DMP1: variants seen among roughly 807,000 people sequenced by gnomAD.
The protein encoded by DMP1 is dentin matrix protein 1.
DMP1 carries 20 observed loss-of-function variants against 14.6 expected under a neutral mutation model. The ratio of observed to expected loss-of-function variants is 1.37; its 90% CI spans 0.96 to 1.99. The LOEUF (loss-of-function observed/expected upper bound fraction) is 1.99, where lower values mean the gene tolerates loss of function less well. DMP1 is among the 30% of genes most tolerant of loss of function. DMP1 has a pLI of 0.00. For missense variants in DMP1, 567 were observed against 620.5 expected (o/e 0.91, Z 0.92); for synonymous variants, 197 against 215.3 (o/e 0.91, Z 0.75).
At chr4:87,659,570 T>C in intron 5 of DMP1, 92 bp downstream of exon 5, 1 of 1,217,210 alleles carries the variant, frequency 8.2e-7, no homozygotes, top group Non-Finnish European at 1.2e-6. Flanking sequence ...GTTCTAAATA[T>C]AATATTTTCT....
intron 5 of DMP1, among the ~76,000 whole-genome samples, chr4:87,661,456 T>C (rs1267142539): frequency 6.6e-6 from 1 of 151,740 alleles, no homozygotes; most frequent in African/African-American, 2.4e-5. Flanking sequence ...TCTCCTGACC[T>C]CGTGATCCGC....
chr4:87,659,219 G>A lies in DMP1; in HGVS notation c.103-1G>A, dbSNP rs778707612. The A allele has an allele frequency of 5.6e-6, 9 of 1,613,742 alleles. No homozygotes were observed. Among genetic ancestry groups the A allele is most frequent in the Non-Finnish European group, 6.8e-6 (8 of 1,179,870 alleles). On this transcript the variant is annotated splice_acceptor_variant, in intron 3 of 5. Coordinates refer to ENST00000339673, the MANE Select transcript of DMP1 (RefSeq NM_004407.4). LOFTEE classifies it high-confidence loss of function. The stretch of plus-strand genomic sequence containing the variant: ...GTTTTCCTTCCTTTCCTTTTTTGCA[G>A]GGTCATTTGGCTCAGGCACCAACAC...
intron 5 of DMP1, 43 bp from the exon 6 acceptor site, chr4:87,661,919 G>C: frequency 6.2e-7 from 1 of 1,614,002 alleles, no homozygotes; most frequent in Non-Finnish European, 8.5e-7. Flanking sequence ...CTTCTCTATC[G>C]GTTCCTGGAA....
intron 5 of DMP1, among the ~76,000 whole-genome samples, chr4:87,661,676 A>G (rs932317579): frequency 6.1e-5 from 9 of 147,150 alleles, no homozygotes; most frequent in Non-Finnish European, 1.2e-4. Context: ...GGAATTATAT[A>G]TACAGTATGA....
intron 3 of DMP1, among the ~76,000 whole-genome samples, chr4:87,657,700 T>A (rs1728739194): frequency 6.6e-6 from 1 of 152,236 alleles, no homozygotes; most frequent in Non-Finnish European, 1.5e-5. Context: ...ACTTTGATAT[T>A]ACGTCACTCT....
chr4:87,658,827 C>A lies in DMP1; in HGVS notation c.103-393C>A, dbSNP rs751675115. On this transcript the variant is annotated intron_variant, in intron 3 of 5. Transcript: ENST00000339673. ...AACACATGACTTTCAGTGCTAACAC[C>A]AAGATGATTGGTTTTCAGGGCTAAA... is the stretch of plus-strand genomic sequence containing the variant. 1.2e-4 allele frequency: 29 copies of A among 238,632 alleles called. 1 individual carries two copies. Among genetic ancestry groups the A allele is most frequent in the Non-Finnish European group, 2.1e-4 (26 of 121,756 alleles). The allele number at this position is 238,632 out of a possible 1,614,324, so 14.8% of individuals were successfully genotyped here.
chr4:87,658,662 C>G (rs1728768553), intron 3 of DMP1: 1 of 157,678 alleles, frequency 6.3e-6, no homozygotes, highest in African/African-American at 2.4e-5. Flanking sequence ...TCATAACTAC[C>G]TTGTGGGGTA....
At position 87,659,189 on chromosome 4, in the gene DMP1, A is replaced by G. The variant is rs1300149351; in HGVS notation, c.103-31A>G. ...TAATGAAATCCATCTGTGAGGGAGT[A>G]ATTTGTTTTCCTTCCTTTCCTTTTT... On this transcript the variant is annotated intron_variant, in intron 3 of 5. Coordinates refer to ENST00000339673, the MANE Select transcript of DMP1 (RefSeq NM_004407.4). 3.1e-6 allele frequency: 5 copies of G among 1,610,840 alleles called. No individual in the cohort carries two copies. In the African/African-American group the frequency reaches 4.0e-5, roughly 13 times the overall value.
At chr4:87,660,141 C>T (rs1024577231) in intron 5 of DMP1, among the ~76,000 whole-genome samples, 1 of 152,080 alleles carries the variant, frequency 6.6e-6, no homozygotes, top group Non-Finnish European at 1.5e-5. Context: ...CCAGGTTTCT[C>T]CCTAAGGCTT....
chr4:87,654,642 G>C (rs992225127), intron 1 of DMP1, among the ~76,000 whole-genome samples: 1 of 152,178 alleles, frequency 6.6e-6, no homozygotes, highest in Admixed American at 6.5e-5. Flanking sequence ...AGGAAGGACA[G>C]ATAAAAGAGG....
At chr4:87,655,692 A>G (rs796100942) in intron 1 of DMP1, among the ~76,000 whole-genome samples, 6 of 151,840 alleles carry the variant, frequency 4.0e-5, no homozygotes, top group African/African-American at 1.4e-4. Flanking sequence ...GTGTATGTGT[A>G]TGTGTGTGTT....
chr4:87,659,219 G>GT lies in DMP1; in HGVS notation c.103-1_103insT (p.Gly35TrpfsTer15). The GT allele has an allele frequency of 1.2e-6, 2 of 1,613,744 alleles. No homozygotes were observed. Among genetic ancestry groups the GT allele is most frequent in the Non-Finnish European group, 1.7e-6 (2 of 1,179,872 alleles). On this transcript the variant is annotated frameshift_variant and splice_region_variant. Coordinates refer to ENST00000339673, the MANE Select transcript of DMP1 (RefSeq NM_004407.4). LOFTEE classifies it high-confidence loss of function. ...GTTTTCCTTCCTTTCCTTTTTTGCA[G>GT]GGTCATTTGGCTCAGGCACCAACAC...
intron 5 of DMP1, among the ~76,000 whole-genome samples, 189 bp downstream of exon 5, chr4:87,659,667 T>C (rs1322506067): frequency 1.3e-5 from 2 of 152,220 alleles, no homozygotes; most frequent in African/African-American, 2.4e-5. Context: ...ATGCTATTCA[T>C]CTTATTTTCA....
At chr4:87,652,438 T>C (rs1018612124) in intron 1 of DMP1, among the ~76,000 whole-genome samples, 1 of 152,182 alleles carries the variant, frequency 6.6e-6, no homozygotes, top group African/African-American at 2.4e-5. Flanking sequence ...CTGATTTTCT[T>C]TAATGCTTAC....
intron 1 of DMP1, among the ~76,000 whole-genome samples, chr4:87,653,388 T>TAG (rs1728575821): frequency 8.6e-5 from 1 of 11,682 alleles, no homozygotes; most frequent in Non-Finnish European, 1.6e-4. Context: ...TATCGAGTGA[T>TAG]ATATATATAT....
chr4:87,656,924 T>C (rs1418826908), intron 2 of DMP1, 108 bp from the exon 3 acceptor site: 2 of 763,498 alleles, frequency 2.6e-6, no homozygotes, highest in East Asian at 2.5e-5. Flanking sequence ...CCAGTGATTC[T>C]GATGCAGCCT....
At chr4:87,656,640 C>A in intron 2 of DMP1, 94 bp downstream of exon 2, 1 of 843,862 alleles carries the variant, frequency 1.2e-6, no homozygotes, top group South Asian at 1.3e-5. Context: ...TGTGTATGTT[C>A]CAGTCCAGTA....
intron 3 of DMP1, chr4:87,657,371 G>A (rs1179848864): frequency 4.8e-6 from 1 of 209,238 alleles, no homozygotes; most frequent in African/African-American, 2.3e-5. Context: ...CTTGAAATCT[G>A]TTTTAACAAG....
chr4:87,650,725 A>G (rs1296847550), intron 1 of DMP1, among the ~76,000 whole-genome samples: 1 of 152,192 alleles, frequency 6.6e-6, no homozygotes, highest in Non-Finnish European at 1.5e-5. Context: ...TAAAACTTTT[A>G]CAGTGTGTTT....
Sources: gnomAD v4.1 joint callset for allele counts (sites outside exome capture counted in the v4.1 genomes callset) on GRCh38, gnomAD v4.1.1 for gene constraint, MANE v1.5 for transcripts, NCBI Gene and HGNC (gene_info 2026-07-23, HGNC 2026-07-21) for gene names.